The following TSC22D3 variants were observed in gnomAD, a reference collection of about 807,000 sequenced individuals.
TSC22D3 encodes the protein TSC22 domain family member 3.
TSC22D3 carries 4 observed loss-of-function variants against 11.1 expected under a neutral mutation model. The ratio of observed to expected loss-of-function variants is 0.36; its 90% CI spans 0.18 to 0.83. TSC22D3 has a LOEUF of 0.83. TSC22D3 is among the 40% of genes least tolerant of loss of function. The pLI is 0.48. For missense variants in TSC22D3, 118 were observed against 159.4 expected (o/e 0.74, Z 1.40); for synonymous variants, 77 against 70.3 (o/e 1.10, Z -0.48).
At chrX:107,740,650 G>T (rs1411033304) in intron 1 of TSC22D3, among the ~76,000 whole-genome samples, 2 of 110,929 alleles carry the variant, frequency 1.8e-5, no homozygotes, top group Non-Finnish European at 3.8e-5. Context: ...GTGAAAGAGT[G>T]GGTGTACAAC....
intron 1 of TSC22D3, among the ~76,000 whole-genome samples, chrX:107,745,229 T>C (rs1321393729): frequency 8.9e-6 from 1 of 111,770 alleles, no homozygotes; most frequent in African/African-American, 3.3e-5. Flanking sequence ...GAGCTGGACA[T>C]TCCATTCCAT....
At chrX:107,747,932 AC>A (rs765621671) in intron 1 of TSC22D3, among the ~76,000 whole-genome samples, 1 of 112,067 alleles carries the variant, frequency 8.9e-6, no homozygotes, top group Non-Finnish European at 1.9e-5. Context: ...TGGGAGAGAA[AC>A]CCTGAACCCT....
intron 1 of TSC22D3, among the ~76,000 whole-genome samples, chrX:107,767,491 C>G (rs1368135316): frequency 8.9e-6 from 1 of 111,869 alleles, no homozygotes; most frequent in Non-Finnish European, 1.9e-5. Flanking sequence ...TACTTTGGGG[C>G]AGGAATTTTC....
chrX:107,765,233 C>T (rs754489092), intron 1 of TSC22D3, among the ~76,000 whole-genome samples: 1 of 112,094 alleles, frequency 8.9e-6, no homozygotes, highest in South Asian at 3.7e-4. Context: ...AAGAGACTCT[C>T]CCTTCCTAGT....
rs61201383 is a variant in TSC22D3, at chrX:107,741,491, G to A, written c.321-25541C>T. Among the ~76,000 whole-genome samples, 676 of 112,959 alleles carry A rather than the reference G, an allele frequency of 6.0e-3. 4 individuals carry two copies. The highest frequency in any genetic ancestry group is 0.021 in the African/African-American group (645 of 31,117). On this transcript the variant is annotated intron_variant, in intron 1 of 2. Transcript: ENST00000372383. ...ATTAACTAATTAATGAATATGGATGGCAAAGTTGCTGAGGTTGCTGGAAAA... is the reference window on the plus strand; with the variant it reads ...ATTAACTAATTAATGAATATGGATGACAAAGTTGCTGAGGTTGCTGGAAAA...
At chrX:107,747,383 G>A (rs1428562841) in intron 1 of TSC22D3, among the ~76,000 whole-genome samples, 1 of 112,522 alleles carries the variant, frequency 8.9e-6, no homozygotes, top group Non-Finnish European at 1.9e-5. Flanking sequence ...CTTAGAAAGA[G>A]AAGTGGGTCT....
At chrX:107,772,093 C>T (rs768676132) in intron 1 of TSC22D3, among the ~76,000 whole-genome samples, 9 of 112,184 alleles carry the variant, frequency 8.0e-5, no homozygotes, top group Non-Finnish European at 1.7e-4. Flanking sequence ...ATTGCTTATA[C>T]TCTTGTGTTC....
chrX:107,769,070 C>T (rs760325776), intron 1 of TSC22D3, among the ~76,000 whole-genome samples: 1 of 112,621 alleles, frequency 8.9e-6, no homozygotes, highest in African/African-American at 3.2e-5. Context: ...CAGGTTCCTA[C>T]GTATGTGTTG....
chrX:107,723,888 C>T (rs927382398), intron 1 of TSC22D3, among the ~76,000 whole-genome samples: 1 of 112,406 alleles, frequency 8.9e-6, no homozygotes, highest in East Asian at 2.8e-4. Context: ...AGGGCAGGAG[C>T]ACCTGCCTCC....
At chrX:107,736,213 A>G (rs1928127240) in intron 1 of TSC22D3, among the ~76,000 whole-genome samples, 1 of 111,887 alleles carries the variant, frequency 8.9e-6, no homozygotes, top group Admixed American at 9.4e-5. Flanking sequence ...CCCAACAACA[A>G]AGCAGCCTGA....
chrX:107,734,465 C>T (rs1422391057), intron 1 of TSC22D3, among the ~76,000 whole-genome samples: 1 of 112,374 alleles, frequency 8.9e-6, no homozygotes, highest in Non-Finnish European at 1.9e-5. Context: ...CTAGATCTTG[C>T]CAGGGAACTG....
chrX:107,726,702 C>T (rs1927643391), intron 1 of TSC22D3, among the ~76,000 whole-genome samples: 1 of 110,784 alleles, frequency 9.0e-6, no homozygotes, highest in Non-Finnish European at 1.9e-5. Flanking sequence ...CAAGCAAAGA[C>T]AGAAGTGCCC....
intron 1 of TSC22D3, among the ~76,000 whole-genome samples, chrX:107,750,744 G>A (rs1344504600): frequency 9.0e-6 from 1 of 111,320 alleles, no homozygotes; most frequent in Non-Finnish European, 1.9e-5. Context: ...ACTTATTGGA[G>A]GCTCCAAGCT....
rs761552042 is a variant in TSC22D3 at position 107,714,545 on chromosome X, C to T, written c.577G>A (p.Glu193Lys). 2.5e-6 allele frequency: 3 copies of T among 1,209,786 alleles called. No individual in the cohort carries two copies. The highest frequency in any genetic ancestry group is 1.8e-5 in the South Asian group (1 of 56,811). ...EPAPESPQVP[E>K]APGGSAV is the part of the protein sequence containing the mutation. ...TACACCGCAGAACCACCAGGGGCCTCGGGCACTTGTGGGGATTCGGGAGCT... is the reference window on the plus strand; with the variant it reads ...TACACCGCAGAACCACCAGGGGCCTTGGGCACTTGTGGGGATTCGGGAGCT... Residue 193 changes from glutamate to lysine, a missense_variant, in exon 3 of 3, where the codon GAG (glutamate) becomes AAG (lysine). Coordinates refer to ENST00000372383, the MANE Select transcript of TSC22D3 (RefSeq NM_198057.3).
At chrX:107,716,904 C>T in intron 1 of TSC22D3, 1 of 1,168,825 alleles carries the variant, frequency 8.6e-7, no homozygotes, top group South Asian at 2.0e-5. Context: ...CTGGGCTGGG[C>T]TCTGCGCTGG....
chrX:107,718,601 G>A (rs1927176302), intron 1 of TSC22D3, among the ~76,000 whole-genome samples: 1 of 113,173 alleles, frequency 8.8e-6, no homozygotes, highest in African/African-American at 3.2e-5. Flanking sequence ...ATTTCCTCCC[G>A]GCTTCCAGGG....
intron 1 of TSC22D3, among the ~76,000 whole-genome samples, chrX:107,760,035 C>T (rs1458718185): frequency 1.8e-5 from 2 of 112,999 alleles, no homozygotes; most frequent in East Asian, 2.8e-4. Context: ...AACTAACTCC[C>T]AGACTGAAGG....
Position 107,736,372 on chromosome X carries a change from C to T in TSC22D3, c.321-20422G>A, listed in dbSNP as rs181817705. 6.9e-4 allele frequency among the ~76,000 whole-genome samples: 77 copies of T among 111,752 alleles called. 1 individual carries two copies. Among genetic ancestry groups the T allele is most frequent in the African/African-American group, 2.3e-3 (72 of 30,722 alleles). On this transcript the variant is annotated intron_variant, in intron 1 of 2. Transcript: ENST00000372383. ...ACTTGGGGCCACTCCCACTACACCACAATGCAGCACACCTCTCTTTCTCTC... is the reference window on the plus strand; with the variant it reads ...ACTTGGGGCCACTCCCACTACACCATAATGCAGCACACCTCTCTTTCTCTC...
chrX:107,723,765 G>T (rs957540608), intron 1 of TSC22D3, among the ~76,000 whole-genome samples: 2 of 112,711 alleles, frequency 1.8e-5, no homozygotes, highest in Non-Finnish European at 3.7e-5. Context: ...CAGTTGCCAG[G>T]GTTACTTTGA....
Sources: allele counts gnomAD v4.1 joint callset (sites outside exome capture counted in the v4.1 genomes callset), GRCh38; gene constraint gnomAD v4.1.1; transcripts MANE v1.5; gene names NCBI Gene and HGNC (gene_info 2026-07-23, HGNC 2026-07-21).